The following STK38 variants were observed in gnomAD, a reference collection of about 807,000 sequenced individuals.
STK38 encodes serine/threonine-protein kinase 38.
In STK38, 26 loss-of-function variants were observed where a neutral mutation model predicts 59.0. That is an observed-to-expected ratio of 0.44 (90% CI 0.32 to 0.61). STK38 has a LOEUF of 0.61. Among genes scored for constraint, STK38 ranks in the 20% least tolerant of loss-of-function variants. STK38 has a pLI of 0.04. For missense variants in STK38, 433 were observed against 566.0 expected, an observed-to-expected ratio of 0.76 and a Z score of 2.38; for synonymous variants, 175 against 176.6, an observed-to-expected ratio of 0.99 and a Z score of 0.07.
At chr6:36,521,371 A>G (rs1777371485) in intron 5 of STK38, among the ~76,000 whole-genome samples, 1 of 152,106 alleles carries the variant, frequency 6.6e-6, no homozygotes, top group Non-Finnish European at 1.5e-5. Context: ...GTTATGAGAT[A>G]TATATACAAT....
chr6:36,507,352 C>T (rs1226668436), intron 8 of STK38, 148 bp downstream of exon 8: 1 of 709,800 alleles, frequency 1.4e-6, no homozygotes, highest in Non-Finnish European at 2.4e-6. Context: ...CCAGACAACA[C>T]AAATCACAGG....
chr6:36,542,696 G>A (rs1777967747), intron 1 of STK38, among the ~76,000 whole-genome samples: 1 of 152,006 alleles, frequency 6.6e-6, no homozygotes, highest in African/African-American at 2.4e-5. Context: ...TGTAATCCCA[G>A]CACTTTGGGA....
intron 12 of STK38, 126 bp from the exon 13 acceptor site, chr6:36,496,931 A>G (rs1191077882): frequency 1.1e-5 from 7 of 625,552 alleles, no homozygotes; most frequent in Non-Finnish European, 1.8e-5. Context: ...GGCAGCATTT[A>G]TTTTCTCTGA....
At chr6:36,496,622 T>C in intron 13 of STK38, 89 bp downstream of exon 13, 2 of 935,978 alleles carry the variant, frequency 2.1e-6, no homozygotes, top group South Asian at 2.8e-5. Flanking sequence ...CCTCTCCATG[T>C]TCACTACCCT....
chr6:36,536,630 T>A (rs1180642769), intron 2 of STK38, among the ~76,000 whole-genome samples: 1 of 152,058 alleles, frequency 6.6e-6, no homozygotes, highest in East Asian at 1.9e-4. Flanking sequence ...GCCTCCTGGG[T>A]TCAAGCGATT....
At chr6:36,534,833 A>C (rs1777748877) in intron 2 of STK38, among the ~76,000 whole-genome samples, 1 of 151,542 alleles carries the variant, frequency 6.6e-6, no homozygotes. Context: ...TAGTGCACTA[A>C]GGCAAGGAAA....
chr6:36,499,306 A>G (rs1776782360), intron 10 of STK38, among the ~76,000 whole-genome samples: 1 of 152,186 alleles, frequency 6.6e-6, no homozygotes, highest in South Asian at 2.1e-4. Flanking sequence ...TCTTCCCTCC[A>G]GACGGTGTAC....
intron 2 of STK38, among the ~76,000 whole-genome samples, chr6:36,532,546 C>A (rs1178419142): frequency 1.3e-5 from 2 of 151,950 alleles, no homozygotes; most frequent in Non-Finnish European, 2.9e-5. Flanking sequence ...GAGGCCAAGG[C>A]GGGTGGATCA....
chr6:36,530,472 C>T (rs71569337), intron 2 of STK38, among the ~76,000 whole-genome samples: 13 of 150,980 alleles, frequency 8.6e-5, no homozygotes, highest in Non-Finnish European at 1.6e-4. Context: ...ACAAGTGATT[C>T]TTCTGCCTCA....
rs1777496499 is a variant in STK38, at chr6:36,525,815, T to C, written c.132-173A>G. The stretch of plus-strand genomic sequence containing the variant: ...ACTAAGACAAGTAAAAAGATTTCCA[T>C]CCTTTGTTAGGCCTACTTTTTTTTG... On this transcript the variant is annotated intron_variant, in intron 2 of 13. Coordinates refer to ENST00000229812, the MANE Select transcript of STK38 (RefSeq NM_007271.4). 1.3e-5 allele frequency among the ~76,000 whole-genome samples: 2 copies of C among 151,708 alleles called. 1 individual carries two copies. The highest frequency in any genetic ancestry group is 6.3e-3 in the Middle Eastern group (2 of 316).
At chr6:36,506,735 T>C in intron 8 of STK38, 91 bp from the exon 9 acceptor site, 1 of 1,173,872 alleles carries the variant, frequency 8.5e-7, no homozygotes, top group Admixed American at 2.5e-5. Context: ...CATGAGACCC[T>C]AAAGTCTTGC....
intron 4 of STK38, among the ~76,000 whole-genome samples, chr6:36,522,693 T>G (rs1372932233): frequency 1.3e-5 from 2 of 151,472 alleles, no homozygotes; most frequent in Non-Finnish European, 2.9e-5. Flanking sequence ...CCCCGTCTAC[T>G]AAAAATACGA....
At chr6:36,532,402 A>T (rs1031150540) in intron 2 of STK38, among the ~76,000 whole-genome samples, 1 of 152,124 alleles carries the variant, frequency 6.6e-6, no homozygotes, top group African/African-American at 2.4e-5. Context: ...CTTTTTAAAA[A>T]ATTTTCTAGG....
chr6:36,498,458 AG>A lies in STK38; in HGVS notation c.980del (p.Pro327LeufsTer8). 1 of 1,613,400 alleles carries A rather than the reference AG, an allele frequency of 6.2e-7. No homozygotes were observed. The highest frequency in any genetic ancestry group is 8.5e-7 in the Non-Finnish European group (1 of 1,179,814). ...IGYPPFCSETPQETYKKVMNW... is the reference protein window; with the variant it reads ...IGYPPFCSETXQETYKKVMNW... ...TCATCACCTTCTTATATGTCTCTTG[AG>A]GGGTCTCAGAACAGAAAGGTGGGTA... On this transcript the variant is annotated frameshift_variant, in exon 11 of 14. Transcript: ENST00000229812. LOFTEE classifies it high-confidence loss of function.
At position 36,499,961 on chromosome 6, in the gene STK38, G is replaced by A; in HGVS notation, c.864C>T (p.Tyr288=). 1 of 1,614,076 alleles carries A rather than the reference G, an allele frequency of 6.2e-7. No homozygotes were observed. The change falls in exon 10 of 14, where the codon TAC becomes TAT. Residue 288 remains tyrosine (Y), a synonymous_variant. Coordinates refer to ENST00000229812, the MANE Select transcript of STK38 (RefSeq NM_007271.4). ...LAFSTVGTPD[Y]IAPEVFMQTG... is the part of the protein sequence containing the mutation. ...TCTGCATGAACACCTCAGGAGCAAT[G>A]TAGTCAGGAGTGCCTACTGTGGAGA...
At chr6:36,509,709 G>A (rs570968831) in intron 7 of STK38, among the ~76,000 whole-genome samples, 1 of 152,232 alleles carries the variant, frequency 6.6e-6, no homozygotes, top group South Asian at 2.1e-4. Context: ...GCACCAGCTT[G>A]TCAGGGCCGA....
chr6:36,544,254 A>G (rs1778007973), intron 1 of STK38, among the ~76,000 whole-genome samples: 1 of 152,090 alleles, frequency 6.6e-6, no homozygotes, highest in African/African-American at 2.4e-5. Flanking sequence ...AAAATATCAC[A>G]TTATTTTTTA....
chr6:36,507,410 A>G, intron 8 of STK38, 90 bp downstream of exon 8: 1 of 1,045,498 alleles, frequency 9.6e-7, no homozygotes, highest in African/African-American at 1.6e-5. Flanking sequence ...AAGTGTGAGA[A>G]TCTCCTATCT....
At chr6:36,530,836 T>C (rs1777651758) in intron 2 of STK38, among the ~76,000 whole-genome samples, 1 of 151,810 alleles carries the variant, frequency 6.6e-6, no homozygotes, top group African/African-American at 2.4e-5. Flanking sequence ...ATTACCGGCA[T>C]ATGCCACCAT....
Sources: gnomAD v4.1 joint callset for allele counts (sites outside exome capture counted in the v4.1 genomes callset) on GRCh38, gnomAD v4.1.1 for gene constraint, MANE v1.5 for transcripts, NCBI Gene and HGNC (gene_info 2026-07-23, HGNC 2026-07-21) for gene names.